MAN2B2: variants seen among roughly 807,000 people sequenced by gnomAD.
MAN2B2 encodes epididymis-specific alpha-mannosidase.
A neutral mutation model predicts 117.1 loss-of-function variants in MAN2B2; 106 were observed. The observed-to-expected ratio is 0.90, with a 90% CI of 0.77 to 1.06. The LOEUF is 1.06. Ranked by LOEUF, MAN2B2 falls within the 50% of genes least tolerant of loss-of-function variation. The probability of loss-of-function intolerance (pLI) is 0.00; values close to 1 mark genes in which losing one functional copy is unlikely to be tolerated. For synonymous variants in MAN2B2, 544 were observed against 595.1 expected, an observed-to-expected ratio of 0.91 and a Z score of 1.25; for missense variants, 1,326 against 1,381.4, an observed-to-expected ratio of 0.96 and a Z score of 0.64.
chr4:6,597,385 C>G, intron 8 of MAN2B2, 82 bp downstream of exon 8: 1 of 1,396,994 alleles, frequency 7.2e-7, no homozygotes, highest in Non-Finnish European at 9.5e-7. Flanking sequence ...GCCAATCCTT[C>G]CAGCCCTGGG....
chr4:6,609,043 C>T, intron 11 of MAN2B2, 64 bp from the exon 12 acceptor site: 1 of 1,478,838 alleles, frequency 6.8e-7, no homozygotes, highest in Non-Finnish European at 9.2e-7. Flanking sequence ...AGAGGCTTGC[C>T]AGCCGGTGTC....
intron 3 of MAN2B2, among the ~76,000 whole-genome samples, chr4:6,585,039 C>T (rs908062522): frequency 1.3e-5 from 2 of 152,158 alleles, no homozygotes; most frequent in African/African-American, 4.8e-5. Flanking sequence ...GGCACTCCCC[C>T]TGTGCTCCCC....
At chr4:6,579,256 TCACCACCACCACCATCAC>T (rs1726284284) in intron 3 of MAN2B2, among the ~76,000 whole-genome samples, 1 of 7,890 alleles carries the variant, frequency 1.3e-4, no homozygotes, top group African/African-American at 3.6e-4. Context: ...TTCACCACCA[TCACCACCACCACCATCAC>T]CACCACCATC....
At chr4:6,578,559 G>C (rs1190650579) in intron 3 of MAN2B2, 61 bp downstream of exon 3, 2 of 1,386,100 alleles carry the variant, frequency 1.4e-6, no homozygotes, top group Admixed American at 3.8e-5. Flanking sequence ...CTGGGACATG[G>C]TATCAGAACC....
At position 6,614,364 on chromosome 4, in the gene MAN2B2, G is replaced by A; in HGVS notation, c.2701+9G>A. ...TCAGAATCTCCGGAAAGGTGAGGCAGGTGCCCTGGCGTCTCAGACCTGCTC... is the reference window on the plus strand; with the variant it reads ...TCAGAATCTCCGGAAAGGTGAGGCAAGTGCCCTGGCGTCTCAGACCTGCTC... On this transcript the variant is annotated intron_variant, in intron 16 of 18. Transcript: ENST00000285599. The A allele has an allele frequency of 1.2e-6, 2 of 1,613,002 alleles. No individual in the cohort carries two copies. Among genetic ancestry groups the A allele is most frequent in the Non-Finnish European group, 1.7e-6 (2 of 1,179,328 alleles).
At chr4:6,610,588 C>CAACCGAGGCACAACCGAGGCACAACCGA (rs1727731865) in intron 13 of MAN2B2, among the ~76,000 whole-genome samples, 1 of 152,242 alleles carries the variant, frequency 6.6e-6, no homozygotes, top group Non-Finnish European at 1.5e-5. Context: ...GCTTGTGCCT[C>CAACCGAGGCACAACCGAGGCACAACCGA]GGTTTCCTCT....
intron 3 of MAN2B2, among the ~76,000 whole-genome samples, chr4:6,585,163 GC>G (rs533656878): frequency 1.3e-5 from 2 of 152,050 alleles, no homozygotes; most frequent in South Asian, 4.2e-4. Flanking sequence ...TGCACCTGAT[GC>G]CAGCCCCACT....
At chr4:6,596,570 C>A (rs1433003256) in intron 7 of MAN2B2, among the ~76,000 whole-genome samples, 1 of 152,128 alleles carries the variant, frequency 6.6e-6, no homozygotes, top group East Asian at 1.9e-4. Flanking sequence ...TGCATCAGGA[C>A]ACTGGCTCCC....
intron 16 of MAN2B2, among the ~76,000 whole-genome samples, chr4:6,615,280 G>A (rs1294325864): frequency 6.6e-6 from 1 of 151,816 alleles, no homozygotes; most frequent in Non-Finnish European, 1.5e-5. Context: ...GTGTGCCTGA[G>A]CCTGCTTTCC....
chr4:6,579,331 C>CCACCACCACCATCACCAT (rs1726310741), intron 3 of MAN2B2, among the ~76,000 whole-genome samples: 3 of 84,802 alleles, frequency 3.5e-5, no homozygotes, highest in South Asian at 4.7e-4. Flanking sequence ...ACCACCACCA[C>CCACCACCACCATCACCAT]CACCACCACC....
At chr4:6,614,157 A>C (rs1711734215) in intron 15 of MAN2B2, 61 bp from the exon 16 acceptor site, 1 of 1,584,258 alleles carries the variant, frequency 6.3e-7, no homozygotes, top group Non-Finnish European at 8.6e-7. Flanking sequence ...CAGAGCTCTG[A>C]GTGCCAGGAG....
At chr4:6,588,956 A>C in intron 4 of MAN2B2, 89 bp from the exon 5 acceptor site, 1 of 890,136 alleles carries the variant, frequency 1.1e-6, no homozygotes, top group Non-Finnish European at 1.8e-6. Context: ...AGGTGAGGGC[A>C]GGCGGGAGAC....
In MAN2B2 at chr4:6,578,468, C is replaced by A; in HGVS notation, c.361C>A (p.His121Asn). The change falls in exon 3 of 19, where the codon CAC (histidine) becomes AAC (asparagine). Residue 121 changes from histidine (H) to asparagine (N), a missense_variant. Coordinates refer to ENST00000285599, the MANE Select transcript of MAN2B2 (RefSeq NM_015274.3). ...GQVMHDEAVT[H>N]LDDQILQLTE... ...GGTCATGCATGACGAGGCTGTGACG[C>A]ACCTTGATGACCAGATCCTGCAGCT... 1 of 1,613,534 alleles carries A rather than the reference C, an allele frequency of 6.2e-7. No homozygotes were observed.
intron 18 of MAN2B2, 140 bp from the exon 19 acceptor site, chr4:6,621,048 A>C: frequency 1.6e-6 from 1 of 620,130 alleles, no homozygotes; most frequent in Non-Finnish European, 2.9e-6. Flanking sequence ...GCTGGGAGCC[A>C]CAGCAGATTG....
intron 3 of MAN2B2, among the ~76,000 whole-genome samples, chr4:6,584,591 A>G (rs1726561191): frequency 6.6e-6 from 1 of 152,262 alleles, no homozygotes; most frequent in Admixed American, 6.5e-5. Flanking sequence ...ACATTTGCCT[A>G]CAGTGAACAG....
At chr4:6,608,600 T>C (rs1429547926) in intron 11 of MAN2B2, among the ~76,000 whole-genome samples, 1 of 152,202 alleles carries the variant, frequency 6.6e-6, no homozygotes, top group Non-Finnish European at 1.5e-5. Context: ...TGTGTGATCT[T>C]GGGTACATGA....
chr4:6,618,266 G>C (rs1036266580), intron 17 of MAN2B2: 1 of 152,226 alleles, frequency 6.6e-6, no homozygotes, highest in African/African-American at 2.4e-5. Flanking sequence ...GATTACAGGC[G>C]TGAGTGGCCT....
In MAN2B2 at chr4:6,605,314, A is replaced by G. The variant is rs1279555279; in HGVS notation, c.1799A>G (p.His600Arg). 6.2e-7 allele frequency: 1 copy of G among 1,611,098 alleles called. No homozygotes were observed. Among genetic ancestry groups the G allele is most frequent in the East Asian group, 2.2e-5 (1 of 44,782 alleles). Residue 600 changes from histidine to arginine, a missense_variant, in exon 11 of 19, where the codon CAC becomes CGC. By Grantham distance (29) the His-to-Arg change is conservative. Coordinates refer to ENST00000285599, the MANE Select transcript of MAN2B2 (RefSeq NM_015274.3). ...CTCGACCAGGATACCAACCTGATGC[A>G]CAGCATCTGGGAGAGGTAAGGTGCA... ...VLLDQDTNLMHSIWERQSNRT... is the reference protein window; with the variant it reads ...VLLDQDTNLMRSIWERQSNRT...
intron 16 of MAN2B2, among the ~76,000 whole-genome samples, chr4:6,616,718 C>T (rs1170432754): frequency 1.3e-5 from 2 of 152,116 alleles, no homozygotes; most frequent in Non-Finnish European, 2.9e-5. Flanking sequence ...AATATGCCCA[C>T]AACAGTGGAC....
Sources: allele counts gnomAD v4.1 joint callset (sites outside exome capture counted in the v4.1 genomes callset), GRCh38; gene constraint gnomAD v4.1.1; transcripts MANE v1.5; gene names NCBI Gene and HGNC (gene_info 2026-07-23, HGNC 2026-07-21).